Variants in ECHDC2 observed in about 807,000 individuals in gnomAD.
The protein encoded by ECHDC2 is enoyl-CoA hydratase domain containing 2.
In ECHDC2, 34 loss-of-function variants were observed where a neutral mutation model predicts 40.6. The ratio of observed to expected loss-of-function variants is 0.84; its 90% CI spans 0.64 to 1.11. The LOEUF (loss-of-function observed/expected upper bound fraction) is 1.11. Ranked by LOEUF, ECHDC2 falls within the 50% of genes most tolerant of loss-of-function variation. ECHDC2 has a pLI of 0.00. For missense variants in ECHDC2, 392 were observed against 400.7 expected (o/e 0.98, Z 0.19); for synonymous variants, 162 against 166.6 (o/e 0.97, Z 0.21).
Position 52,904,411 on chromosome 1 carries a change from TA to T in ECHDC2, c.702+234del, listed in dbSNP as rs573283416. Among the ~76,000 whole-genome samples the T allele has an allele frequency of 3.9e-3, 589 of 152,354 alleles. 2 individuals are homozygous for T. Among genetic ancestry groups the T allele is most frequent in the Middle Eastern group, 6.8e-3 (2 of 294 alleles). On this transcript the variant is annotated intron_variant, in intron 7 of 9. Transcript: ENST00000371522. ...CTCAGAATGGTCTACTGGACAGTGT[TA>T]CATTCAGAGGGCTTTCAAGCCCATT... is the stretch of plus-strand genomic sequence containing the variant.
chr1:52,907,024 G>T (rs1426800938), intron 4 of ECHDC2: 1 of 146,474 alleles, frequency 6.8e-6, no homozygotes, highest in African/African-American at 2.5e-5. Flanking sequence ...CTCGTGATCC[G>T]CCCGCCTCAG....
At chr1:52,917,645 C>T (rs1184662668) in intron 1 of ECHDC2, 5 of 455,980 alleles carry the variant, frequency 1.1e-5, no homozygotes, top group Non-Finnish European at 2.2e-5. Flanking sequence ...CCATTAATTA[C>T]AGTCATGCAC....
intron 5 of ECHDC2, 35 bp from the exon 6 acceptor site, chr1:52,905,125 C>G: frequency 6.2e-7 from 1 of 1,610,674 alleles, no homozygotes; most frequent in Non-Finnish European, 8.5e-7. Context: ...CCTCCCTCCC[C>G]CATCCGGTCC....
chr1:52,912,209 G>GTTT (rs34670458), intron 1 of ECHDC2: 61 of 157,034 alleles, frequency 3.9e-4, no homozygotes, highest in South Asian at 9.8e-4. Context: ...GAGTTTTGCT[G>GTTT]TTTTTTTTTT....
At chr1:52,915,200 G>C (rs568056076) in intron 1 of ECHDC2, 37 of 455,826 alleles carry the variant, frequency 8.1e-5, no homozygotes, top group African/African-American at 7.2e-4. Flanking sequence ...GTCTTCCCAG[G>C]GCTGAAATCC....
At chr1:52,896,996 T>C (rs1287341186) in intron 9 of ECHDC2, 1 of 288,564 alleles carries the variant, frequency 3.5e-6, no homozygotes, top group East Asian at 6.7e-5. Flanking sequence ...TGGATATCTG[T>C]TAACGTGGAG....
chr1:52,907,863 C>T lies in ECHDC2; in HGVS notation c.364+5G>A. 4 of 1,613,118 alleles carry T rather than the reference C, an allele frequency of 2.5e-6. No homozygotes were observed. In the East Asian group the frequency reaches 6.7e-5, roughly 27 times the overall value. Reference sequence around the variant, plus strand: ...CCCTCCTCCACCCCACACCCAGATCCTCACCGATGTCATTCATCAGGCCCC... The same window carrying T: ...CCCTCCTCCACCCCACACCCAGATCTTCACCGATGTCATTCATCAGGCCCC... On this transcript the variant is annotated splice_donor_5th_base_variant and intron_variant, in intron 4 of 9. Coordinates refer to ENST00000371522, the MANE Select transcript of ECHDC2 (RefSeq NM_001198961.2).
Position 52,907,947 on chromosome 1 carries a change from G to A in ECHDC2, c.285C>T (p.Asp95=). 1.9e-6 allele frequency: 3 copies of A among 1,613,996 alleles called. No individual in the cohort carries two copies. Among genetic ancestry groups the A allele is most frequent in the Non-Finnish European group, 2.5e-6 (3 of 1,179,994 alleles). Residue 95 remains aspartate (D), a synonymous_variant, in exon 4 of 10, where the codon GAC becomes GAT. Coordinates refer to ENST00000371522, the MANE Select transcript of ECHDC2 (RefSeq NM_001198961.2). ...CACTCATCTGTTCCCGCTCCTTCAG[G>A]TCTGCACCTGCAGATGGCGAGGGTT... ...GVKGVFCAGA[D]LKEREQMSEA...
intron 8 of ECHDC2, chr1:52,897,712 G>A (rs1348893108): frequency 1.2e-5 from 7 of 599,042 alleles, no homozygotes; most frequent in African/African-American, 5.6e-5. Context: ...CTTCCCATCC[G>A]GCTGCCTCAC....
chr1:52,921,560 C>T lies in ECHDC2; in HGVS notation c.114G>A (p.Pro38=). Residue 38 remains proline (P), a synonymous_variant, in exon 1 of 10, where the codon CCG becomes CCA. Transcript: ENST00000371522. ...SEIQVRALAG[P]DQGITEILMN... is the part of the protein sequence containing the mutation. ...CCGGAACTGCACATTTACCTTGGTC[C>T]GGACCCGCCAGGGCGCGCACTTGGA... 2.5e-6 allele frequency: 4 copies of T among 1,609,540 alleles called. No individual in the cohort carries two copies. The highest frequency in any genetic ancestry group is 3.4e-6 in the Non-Finnish European group (4 of 1,178,554).
chr1:52,920,628 C>T (rs1651664191), intron 1 of ECHDC2: 2 of 953,496 alleles, frequency 2.1e-6, no homozygotes, highest in Middle Eastern at 3.3e-4. Flanking sequence ...AGATGGTGAC[C>T]CTTTATTTCA....
At chr1:52,906,344 C>T in intron 5 of ECHDC2, 175 bp downstream of exon 5, 2 of 697,112 alleles carry the variant, frequency 2.9e-6, no homozygotes, top group African/African-American at 1.8e-5. Context: ...CTAATGGCTG[C>T]ACCAGGAGGG....
At chr1:52,921,340 G>A in intron 1 of ECHDC2, 1 of 1,190,998 alleles carries the variant, frequency 8.4e-7, no homozygotes, top group Admixed American at 3.5e-5. Flanking sequence ...AGAGACCGAG[G>A]TTGCCAGAGG....
chr1:52,902,474 C>T (rs1437980224), intron 7 of ECHDC2, among the ~76,000 whole-genome samples: 5 of 151,898 alleles, frequency 3.3e-5, no homozygotes, highest in African/African-American at 1.2e-4. Context: ...TGTTTTAATA[C>T]AAATGAGGTC....
intron 3 of ECHDC2, 88 bp from the exon 4 acceptor site, chr1:52,908,042 T>C: frequency 8.4e-7 from 1 of 1,195,460 alleles, no homozygotes; most frequent in Non-Finnish European, 1.2e-6. Flanking sequence ...AAAGAAGACC[T>C]GAGGACAGGC....
Position 52,920,379 on chromosome 1 carries a change from C to G in ECHDC2, c.121+1174G>C, listed in dbSNP as rs561131959. The G allele has an allele frequency of 3.5e-5, 25 of 711,822 alleles. No individual in the cohort carries two copies. In the East Asian group the frequency reaches 6.7e-4, roughly 19 times the overall value. The allele number at this position is 711,822 out of a possible 1,614,324, so 44.1% of individuals were successfully genotyped here. A position where few individuals can be genotyped will look rare whatever the true frequency, so the allele number is the denominator to read the frequency against. On this transcript the variant is annotated intron_variant, in intron 1 of 9. Coordinates refer to ENST00000371522, the MANE Select transcript of ECHDC2 (RefSeq NM_001198961.2). ...TCAAGCCGGTAAAAAGGAAGCAATA[C>G]TGCTGGGGAAGGGGCGGCAGGCGCC...
At chr1:52,902,453 G>A (rs1016095256) in intron 7 of ECHDC2, among the ~76,000 whole-genome samples, 5 of 151,866 alleles carry the variant, frequency 3.3e-5, no homozygotes, top group Non-Finnish European at 7.4e-5. Flanking sequence ...CACTGCACCC[G>A]GCTTCTTTTC....
chr1:52,911,882 T>C, intron 1 of ECHDC2, 92 bp from the exon 2 acceptor site: 4 of 1,555,040 alleles, frequency 2.6e-6, no homozygotes, highest in Non-Finnish European at 2.6e-6. Context: ...GCCTGGGATC[T>C]GGGGAGCCTC....
intron 4 of ECHDC2, 193 bp downstream of exon 4, chr1:52,907,673 AGC>A: frequency 1.8e-6 from 1 of 554,256 alleles, no homozygotes; most frequent in South Asian, 2.5e-5. Context: ...GGGACACAAA[AGC>A]TGAAGAGCCA....
Sources: allele counts gnomAD v4.1 joint callset (sites outside exome capture counted in the v4.1 genomes callset), GRCh38; gene constraint gnomAD v4.1.1; transcripts MANE v1.5; gene names NCBI Gene and HGNC (gene_info 2026-07-23, HGNC 2026-07-21).